The following TCERG1L variants were observed in gnomAD, a reference collection of about 807,000 sequenced individuals.
The protein encoded by TCERG1L is transcription elongation regulator 1 like.
In TCERG1L, 37 loss-of-function variants were observed where a neutral mutation model predicts 56.3. That is an observed-to-expected ratio of 0.66 (90% CI 0.51 to 0.87). The LOEUF (loss-of-function observed/expected upper bound fraction) is 0.87. Ranked by LOEUF, TCERG1L falls within the 40% of genes least tolerant of loss-of-function variation. TCERG1L has a pLI of 0.00. For missense variants in TCERG1L, 799 were observed against 774.2 expected (o/e 1.03, Z -0.38); for synonymous variants, 324 against 326.3 (o/e 0.99, Z 0.08).
chr10:131,177,796 T>G lies in TCERG1L; in HGVS notation c.857-10911A>C, dbSNP rs565623479. 2.0e-5 allele frequency among the ~76,000 whole-genome samples: 3 copies of G among 151,634 alleles called. No individual in the cohort carries two copies. In the East Asian group the frequency reaches 5.9e-4, roughly 30 times the overall value. ...GGCTGAAGGGGAGGCTCCTGGCACG[T>G]GACTCTGGATCGATGCCCCCCATGT... On this transcript the variant is annotated intron_variant, in intron 4 of 11. Coordinates refer to ENST00000368642, the MANE Select transcript of TCERG1L (RefSeq NM_174937.4).
chr10:131,123,372 C>A (rs1344229298), intron 8 of TCERG1L, among the ~76,000 whole-genome samples: 1 of 152,150 alleles, frequency 6.6e-6, no homozygotes, highest in Non-Finnish European at 1.5e-5. Context: ...GCAGGCAGGA[C>A]ACCCACAAGC....
At chr10:131,116,529 C>T (rs1380911624) in intron 9 of TCERG1L, among the ~76,000 whole-genome samples, 4 of 152,350 alleles carry the variant, frequency 2.6e-5, no homozygotes, top group Middle Eastern at 3.4e-3. Context: ...TCCACTTTGG[C>T]TGCCCCTCGG....
At chr10:131,199,997 C>G (rs1845414136) in intron 4 of TCERG1L, among the ~76,000 whole-genome samples, 1 of 152,198 alleles carries the variant, frequency 6.6e-6, no homozygotes, top group Middle Eastern at 3.2e-3. Flanking sequence ...TCCTTTCCAT[C>G]TGAAGCCTCC....
chr10:131,126,820 G>C (rs977090538), intron 8 of TCERG1L, among the ~76,000 whole-genome samples: 2 of 152,168 alleles, frequency 1.3e-5, no homozygotes, highest in Admixed American at 1.3e-4. Context: ...TAGTTTTCTG[G>C]TAACATTTGC....
chr10:131,162,107 A>T (rs1489012016), intron 6 of TCERG1L: 1 of 152,284 alleles, frequency 6.6e-6, no homozygotes, highest in Non-Finnish European at 1.5e-5. Flanking sequence ...AAAGCAGGGC[A>T]GCCAGAGGGA....
chr10:131,158,999 GC>G (rs892678342), intron 6 of TCERG1L, among the ~76,000 whole-genome samples: 1 of 152,156 alleles, frequency 6.6e-6, no homozygotes, highest in African/African-American at 2.4e-5. Context: ...CTCGACCCCT[GC>G]CCACCATCCT....
intron 7 of TCERG1L, among the ~76,000 whole-genome samples, chr10:131,145,397 G>A (rs1185563113): frequency 1.3e-5 from 2 of 152,134 alleles, no homozygotes; most frequent in Admixed American, 6.5e-5. Flanking sequence ...ATACAGCAAC[G>A]TTTTACAGAC....
chr10:131,285,103 C>A (rs892035078), intron 3 of TCERG1L, among the ~76,000 whole-genome samples: 1 of 152,122 alleles, frequency 6.6e-6, no homozygotes, highest in Admixed American at 6.6e-5. Flanking sequence ...AGCAGCCAGT[C>A]GCAGTGGCTC....
chr10:131,239,834 G>A (rs1216293025), intron 4 of TCERG1L, among the ~76,000 whole-genome samples: 1 of 152,202 alleles, frequency 6.6e-6, no homozygotes, highest in Non-Finnish European at 1.5e-5. Context: ...GACCCTCCCA[G>A]GCTCCCTCAT....
chr10:131,247,132 T>C (rs1008580509), intron 4 of TCERG1L, among the ~76,000 whole-genome samples: 4 of 152,100 alleles, frequency 2.6e-5, no homozygotes, highest in African/African-American at 9.7e-5. Context: ...AACAGGAAAG[T>C]AAACTGAATT....
chr10:131,157,425 G>A (rs759953993), intron 6 of TCERG1L, among the ~76,000 whole-genome samples: 12 of 151,948 alleles, frequency 7.9e-5, no homozygotes, highest in Admixed American at 5.2e-4. Context: ...CATTGTTTTT[G>A]ACATTTATTG....
At chr10:131,242,666 G>T (rs769054951) in intron 4 of TCERG1L, among the ~76,000 whole-genome samples, 1 of 152,150 alleles carries the variant, frequency 6.6e-6, no homozygotes, top group African/African-American at 2.4e-5. Context: ...ATACATACTC[G>T]TTGACCATCT....
intron 4 of TCERG1L, among the ~76,000 whole-genome samples, chr10:131,172,560 G>A (rs574200408): frequency 8.4e-4 from 128 of 152,376 alleles, no homozygotes; most frequent in African/African-American, 3.0e-3. Context: ...ATTATGAAAA[G>A]GGTTCATGAG....
At chr10:131,291,685 C>G (rs1350482694) in intron 3 of TCERG1L, among the ~76,000 whole-genome samples, 1 of 151,714 alleles carries the variant, frequency 6.6e-6, no homozygotes, top group Non-Finnish European at 1.5e-5. Flanking sequence ...CTCGGCCTCC[C>G]AAAGTGCTAG....
intron 4 of TCERG1L, among the ~76,000 whole-genome samples, chr10:131,205,502 C>G (rs921348497): frequency 1.2e-4 from 19 of 152,200 alleles, no homozygotes; most frequent in African/African-American, 4.6e-4. Flanking sequence ...GGAATTGCCT[C>G]ATTCCAGCCT....
rs1204865840 is a variant in TCERG1L, at chr10:131,245,740, A to T, written c.856+14519T>A. ...AGGTTAGTGTATCATCCTCATAAAG[A>T]GCTGGTCGAGTTCGGAGTTGGCGGG... On this transcript the variant is annotated intron_variant, in intron 4 of 11. Coordinates refer to ENST00000368642, the MANE Select transcript of TCERG1L (RefSeq NM_174937.4). Among the ~76,000 whole-genome samples, 4 of 152,026 alleles carry T rather than the reference A, an allele frequency of 2.6e-5. No individual in the cohort carries two copies. The East Asian group carries it at 5.8e-4, about 22-fold the overall frequency.
chr10:131,140,393 T>C (rs1444132589), intron 7 of TCERG1L, among the ~76,000 whole-genome samples: 1 of 152,168 alleles, frequency 6.6e-6, no homozygotes, highest in Non-Finnish European at 1.5e-5. Context: ...TCCTGTCCGA[T>C]GTCCTACCCT....
intron 3 of TCERG1L, among the ~76,000 whole-genome samples, chr10:131,262,042 G>C (rs376802511): frequency 1.3e-5 from 2 of 152,184 alleles, no homozygotes. Flanking sequence ...TGCAGTGTTC[G>C]AGGCACAGCA....
rs1205087253 is a variant in TCERG1L at position 131,191,104 on chromosome 10, G to T, written c.857-24219C>A. On this transcript the variant is annotated intron_variant, in intron 4 of 11. Coordinates refer to ENST00000368642, the MANE Select transcript of TCERG1L (RefSeq NM_174937.4). ...CATGCAAGAATAAAATAAAAACTCA[G>T]TATTTTTCACAACAGCTGCAAAACA... 2.8e-5 allele frequency among the ~76,000 whole-genome samples: 4 copies of T among 143,630 alleles called. 1 individual carries two copies. Among genetic ancestry groups the T allele is most frequent in the Non-Finnish European group, 6.1e-5 (4 of 65,208 alleles). 94.2% of individuals were successfully genotyped at this position (143,630 alleles called of 152,430 possible).
Sources: gnomAD v4.1 joint callset for allele counts (sites outside exome capture counted in the v4.1 genomes callset) on GRCh38, gnomAD v4.1.1 for gene constraint, MANE v1.5 for transcripts, NCBI Gene and HGNC (gene_info 2026-07-23, HGNC 2026-07-21) for gene names.